The following TUSC3 variants were observed in gnomAD, a reference collection of about 807,000 sequenced individuals.
TUSC3 encodes dolichyl-diphosphooligosaccharide--protein glycosyltransferase subunit TUSC3.
TUSC3 carries 45 observed loss-of-function variants against 44.8 expected under a neutral mutation model. The ratio of observed to expected loss-of-function variants is 1.00; its 90% CI spans 0.79 to 1.29. The LOEUF (loss-of-function observed/expected upper bound fraction) is 1.29. TUSC3 is among the 50% of genes most tolerant of loss of function. The pLI is 0.00. For synonymous variants in TUSC3, 212 were observed against 152.9 expected (o/e 1.39, Z -2.85); for missense variants, 519 against 437.9 (o/e 1.19, Z -1.65).
chr8:15,719,756 C>T (rs1011410211), intron 6 of TUSC3, among the ~76,000 whole-genome samples: 5 of 152,078 alleles, frequency 3.3e-5, no homozygotes, highest in Non-Finnish European at 5.9e-5. Flanking sequence ...GAGATCCTTC[C>T]ATCCCCATTT....
At chr8:15,731,575 G>T (rs892933052) in intron 7 of TUSC3, among the ~76,000 whole-genome samples, 16 of 152,216 alleles carry the variant, frequency 1.1e-4, no homozygotes, top group African/African-American at 3.6e-4. Context: ...CCCACAAAGG[G>T]CTTATGTTAG....
At chr8:15,483,800 C>A (rs919690318) in intron 2 of TUSC3, among the ~76,000 whole-genome samples, 1 of 151,590 alleles carries the variant, frequency 6.6e-6, no homozygotes. Context: ...GGACTACAGG[C>A]GCCAGCCACA....
intron 6 of TUSC3, among the ~76,000 whole-genome samples, chr8:15,697,510 G>C (rs1422685343): frequency 6.6e-6 from 1 of 152,052 alleles, no homozygotes; most frequent in Non-Finnish European, 1.5e-5. Context: ...AGTGCTGGGG[G>C]GTCTAGTTCG....
chr8:15,540,413 A>G lies in TUSC3; in HGVS notation c.-18A>G. The G allele has an allele frequency of 6.4e-7, 1 of 1,562,102 alleles. No homozygotes were observed. Among genetic ancestry groups the G allele is most frequent in the Non-Finnish European group, 8.7e-7 (1 of 1,155,470 alleles). On this transcript the variant is annotated 5_prime_UTR_variant, in exon 1 of 11. Coordinates refer to ENST00000503731, the MANE Select transcript of TUSC3 (RefSeq NM_006765.4). ...CGCGCACGGCTACCGCGCGTGGAGG[A>G]GACACTGCCCTGCCGCGATGGGGGC...
At chr8:15,596,534 C>A (rs1804074686) in intron 1 of TUSC3, among the ~76,000 whole-genome samples, 1 of 152,104 alleles carries the variant, frequency 6.6e-6, no homozygotes, top group Non-Finnish European at 1.5e-5. Flanking sequence ...TGTCCTAGAA[C>A]CAATACCCTG....
At chr8:15,508,581 C>T (rs1801090935) in intron 2 of TUSC3, among the ~76,000 whole-genome samples, 2 of 150,536 alleles carry the variant, frequency 1.3e-5, no homozygotes, top group Admixed American at 6.7e-5. Context: ...CCTGCCTCAG[C>T]CTCCCGAGTA....
chr8:15,524,245 T>A (rs1801343454), intron 2 of TUSC3, among the ~76,000 whole-genome samples: 1 of 152,124 alleles, frequency 6.6e-6, no homozygotes, highest in African/African-American at 2.4e-5. Context: ...TTTGCAGTTT[T>A]TAAAAATAAT....
intron 2 of TUSC3, among the ~76,000 whole-genome samples, chr8:15,646,731 C>T (rs1423220105): frequency 6.6e-6 from 1 of 152,070 alleles, no homozygotes. Flanking sequence ...CACAGGTAGG[C>T]TAGGCCAGAG....
chr8:15,509,594 T>C (rs1171694026), intron 2 of TUSC3, among the ~76,000 whole-genome samples: 2 of 151,634 alleles, frequency 1.3e-5, no homozygotes, highest in African/African-American at 4.9e-5. Flanking sequence ...GGAGACAGAG[T>C]GAGACACCAT....
intron 6 of TUSC3, among the ~76,000 whole-genome samples, chr8:15,723,998 A>G (rs1212237652): frequency 2.0e-5 from 3 of 152,106 alleles, no homozygotes. Context: ...CCGCAGTGTG[A>G]CTGTTTGGAC....
At chr8:15,701,095 A>T (rs1809384324) in intron 6 of TUSC3, among the ~76,000 whole-genome samples, 2 of 152,084 alleles carry the variant, frequency 1.3e-5, no homozygotes, top group Admixed American at 6.6e-5. Context: ...TGGAATTAGA[A>T]ATCTTAAATG....
chr8:15,551,883 A>G (rs950129459), intron 1 of TUSC3, among the ~76,000 whole-genome samples: 1 of 151,752 alleles, frequency 6.6e-6, no homozygotes, highest in Non-Finnish European at 1.5e-5. Context: ...TTGTATACAT[A>G]GTTCATAATC....
At chr8:15,806,176 C>G in the TUSC3 span, 2 of 481,376 alleles carry the variant, frequency 4.2e-6, no homozygotes, top group South Asian at 3.7e-5. Context: ...GATGTGGAGT[C>G]ACTGTCATCA....
intron 1 of TUSC3, among the ~76,000 whole-genome samples, chr8:15,424,146 A>G (rs1334603522): frequency 6.7e-6 from 1 of 150,356 alleles, no homozygotes; most frequent in African/African-American, 2.4e-5. Flanking sequence ...ACACGCCACC[A>G]CTCAGCAAAG....
intron 1 of TUSC3, among the ~76,000 whole-genome samples, chr8:15,460,043 G>A (rs1800323309): frequency 6.6e-6 from 1 of 152,114 alleles, no homozygotes; most frequent in Non-Finnish European, 1.5e-5. Flanking sequence ...TTTCCTCTGA[G>A]TAGATACCCA....
chr8:15,651,452 G>T (rs1426147038), intron 3 of TUSC3, among the ~76,000 whole-genome samples: 1 of 152,158 alleles, frequency 6.6e-6, no homozygotes, highest in Non-Finnish European at 1.5e-5. Context: ...AGCTTCTGGC[G>T]TGACTGTATT....
chr8:15,449,873 T>C (rs906263025), intron 1 of TUSC3, among the ~76,000 whole-genome samples: 3 of 152,200 alleles, frequency 2.0e-5, no homozygotes, highest in Non-Finnish European at 4.4e-5. Context: ...TTTTTATGTC[T>C]AGATACATAA....
intron 2 of TUSC3, among the ~76,000 whole-genome samples, chr8:15,530,288 A>G (rs1585077656): frequency 1.3e-5 from 2 of 152,058 alleles, no homozygotes; most frequent in African/African-American, 4.8e-5. Context: ...GACTTTGCCT[A>G]TCATTTCTTT....
At chr8:15,842,593 C>G in the TUSC3 span, among the ~76,000 whole-genome samples, 1 of 152,094 alleles carries the variant, frequency 6.6e-6, no homozygotes, top group Admixed American at 6.5e-5. Flanking sequence ...CCTGTGCATG[C>G]AAAGCAAGAT....
Sources: allele counts gnomAD v4.1 joint callset (sites outside exome capture counted in the v4.1 genomes callset), GRCh38; gene constraint gnomAD v4.1.1; transcripts MANE v1.5; gene names NCBI Gene and HGNC (gene_info 2026-07-23, HGNC 2026-07-21).